ERC1: variants seen among roughly 807,000 people sequenced by gnomAD.
ERC1 encodes RAB6 interacting protein 2.
In ERC1, 56 loss-of-function variants were observed where a neutral mutation model predicts 132.0. The observed-to-expected ratio is 0.42, with a 90% confidence interval of 0.34 to 0.53. The LOEUF (loss-of-function observed/expected upper bound fraction) is 0.53, where lower values mean the gene tolerates loss of function less well. Ranked by LOEUF, ERC1 falls within the 20% of genes least tolerant of loss-of-function variation. ERC1 has a pLI of 0.03. For synonymous variants in ERC1, 478 were observed against 476.1 expected (o/e 1.00, Z -0.05); for missense variants, 1,202 against 1,349.9 (o/e 0.89, Z 1.72).
intron 18 of ERC1, among the ~76,000 whole-genome samples, chr12:1,482,608 G>C (rs1395486192): frequency 6.6e-6 from 1 of 151,894 alleles, no homozygotes; most frequent in African/African-American, 2.4e-5. Context: ...CACCACGCCC[G>C]GCTAATTTTT....
chr12:1,420,929 G>T (rs956478231), intron 17 of ERC1, among the ~76,000 whole-genome samples: 3 of 142,322 alleles, frequency 2.1e-5, no homozygotes, highest in African/African-American at 5.4e-5. Flanking sequence ...TGGGGGGGGG[G>T]GGGGTTAATT....
chr12:1,029,237 A>T (rs1385921166), intron 2 of ERC1, among the ~76,000 whole-genome samples: 1 of 152,170 alleles, frequency 6.6e-6, no homozygotes, highest in Non-Finnish European at 1.5e-5. Context: ...CTGTAATCCC[A>T]GCTTCTAAGG....
At chr12:1,073,333 A>G (rs1378761523) in intron 2 of ERC1, among the ~76,000 whole-genome samples, 3 of 151,976 alleles carry the variant, frequency 2.0e-5, no homozygotes, top group African/African-American at 4.8e-5. Flanking sequence ...TTTTTCAGCA[A>G]TGTGTGGAAA....
chr12:1,372,109 T>G (rs994766182), intron 16 of ERC1, 132 bp downstream of exon 16: 1 of 1,135,280 alleles, frequency 8.8e-7, no homozygotes, highest in Non-Finnish European at 1.2e-6. Flanking sequence ...CTAGTTAGTT[T>G]CCATCATTAG....
chr12:1,001,444 A>G (rs1008801621), intron 1 of ERC1, among the ~76,000 whole-genome samples: 4 of 152,252 alleles, frequency 2.6e-5, no homozygotes, highest in African/African-American at 7.2e-5. Context: ...AGACACTTGT[A>G]TAACCATGAT....
chr12:1,264,433 C>T (rs1280181705), intron 14 of ERC1, among the ~76,000 whole-genome samples: 3 of 151,966 alleles, frequency 2.0e-5, no homozygotes, highest in African/African-American at 7.2e-5. Flanking sequence ...GAGGCCGAGG[C>T]GGGCGGATCA....
chr12:1,288,396 C>T (rs116786957), intron 14 of ERC1, among the ~76,000 whole-genome samples: 2,176 of 152,140 alleles, frequency 0.014, 42 homozygotes, highest in African/African-American at 0.05. Context: ...ATTACAGGCA[C>T]GAGCCACAGC....
intron 12 of ERC1, among the ~76,000 whole-genome samples, chr12:1,236,076 ATTAT>A (rs1369758259): frequency 1.3e-5 from 2 of 152,302 alleles, no homozygotes; most frequent in Non-Finnish European, 2.9e-5. Flanking sequence ...AAAATGAATA[ATTAT>A]TTATCTTTAT....
intron 8 of ERC1, among the ~76,000 whole-genome samples, chr12:1,170,616 C>T (rs1304464183): frequency 2.6e-5 from 4 of 152,162 alleles, no homozygotes; most frequent in Admixed American, 6.5e-5. Flanking sequence ...TTTATATATG[C>T]TGACTAGATA....
intron 8 of ERC1, among the ~76,000 whole-genome samples, chr12:1,143,914 A>G (rs117079751): frequency 0.013 from 2,050 of 152,122 alleles, 29 homozygotes; most frequent in Non-Finnish European, 0.02. Context: ...TGATTTCTCT[A>G]TATCAGTTTT....
Position 1,338,495 on chromosome 12 carries a change from A to G in ERC1, c.2781-33338A>G, listed in dbSNP as rs560500742. Among the ~76,000 whole-genome samples, 18 of 152,228 alleles carry G rather than the reference A, an allele frequency of 1.2e-4. 1 individual carries two copies. The highest frequency in any genetic ancestry group is 4.3e-4 in the African/African-American group (18 of 41,554). On this transcript the variant is annotated intron_variant, in intron 15 of 18. Coordinates refer to ENST00000360905, the MANE Select transcript of ERC1 (RefSeq NM_178040.4). ...TGTTTCAGCATACTCCTGCATCTCAACGATCTGCATTCCTATCCATATTCT... is the reference window on the plus strand; with the variant it reads ...TGTTTCAGCATACTCCTGCATCTCAGCGATCTGCATTCCTATCCATATTCT...
intron 18 of ERC1, chr12:1,481,011 C>G: frequency 3.1e-6 from 2 of 653,588 alleles, no homozygotes; most frequent in Non-Finnish European, 5.6e-6. Flanking sequence ...ATGCTGTTTT[C>G]TTCTATACAT....
chr12:1,323,500 C>T (rs2082251442), intron 15 of ERC1, among the ~76,000 whole-genome samples: 1 of 152,104 alleles, frequency 6.6e-6, no homozygotes, highest in African/African-American at 2.4e-5. Flanking sequence ...CACTGCCACA[C>T]CATTTGAAAC....
At position 1,321,266 on chromosome 12, in the gene ERC1, T is replaced by G. The variant is rs190530671; in HGVS notation, c.2780+31254T>G. On this transcript the variant is annotated intron_variant, in intron 15 of 18. Transcript: ENST00000360905. ...AGTAAATGCCTGTTTGATAGTATTA[T>G]GAGAATTAAATGCAAAATTGTATGT... 3.9e-4 allele frequency among the ~76,000 whole-genome samples: 59 copies of G among 152,304 alleles called. 1 individual carries two copies. The highest frequency in any genetic ancestry group is 1.3e-3 in the African/African-American group (54 of 41,566).
chr12:1,461,295 A>G (rs1485551338), intron 18 of ERC1, among the ~76,000 whole-genome samples: 1 of 152,172 alleles, frequency 6.6e-6, no homozygotes, highest in Non-Finnish European at 1.5e-5. Flanking sequence ...ATGATTGAAT[A>G]TTTTTGAAAG....
chr12:1,281,675 GATAA>G (rs1351531871), intron 14 of ERC1, among the ~76,000 whole-genome samples: 3 of 152,174 alleles, frequency 2.0e-5, no homozygotes, highest in African/African-American at 7.2e-5. Context: ...AATCTTGGGA[GATAA>G]ATAATATTTT....
At position 1,106,531 on chromosome 12, in the gene ERC1, T is replaced by C. The variant is rs117499705; in HGVS notation, c.1161+1707T>C. Among the ~76,000 whole-genome samples, 611 of 152,326 alleles carry C rather than the reference T, an allele frequency of 4.0e-3. 2 individuals carry two copies. Among genetic ancestry groups the C allele is most frequent in the Middle Eastern group, 0.02 (6 of 294 alleles). On this transcript the variant is annotated intron_variant, in intron 4 of 18. Coordinates refer to ENST00000360905, the MANE Select transcript of ERC1 (RefSeq NM_178040.4). ...TTTGGATGATTTCCTCTTAAAACTT[T>C]ATATCGTATACATCTTTATTCTCGG...
chr12:1,466,861 G>A (rs1008403044), intron 18 of ERC1, among the ~76,000 whole-genome samples: 1 of 152,156 alleles, frequency 6.6e-6, no homozygotes, highest in African/African-American at 2.4e-5. Context: ...TAAGATTATG[G>A]TATTCTTCTA....
chr12:1,463,795 T>G (rs543182897), intron 18 of ERC1, among the ~76,000 whole-genome samples: 1 of 151,736 alleles, frequency 6.6e-6, no homozygotes, highest in East Asian at 1.9e-4. Context: ...ACACACAGTC[T>G]GGCACTTTCT....
Sources: allele counts gnomAD v4.1 joint callset (sites outside exome capture counted in the v4.1 genomes callset), GRCh38; gene constraint gnomAD v4.1.1; transcripts MANE v1.5; gene names NCBI Gene and HGNC (gene_info 2026-07-23, HGNC 2026-07-21).